RB1: variants seen among roughly 807,000 people sequenced by gnomAD.
RB1 encodes the protein RB transcriptional corepressor 1.
A neutral mutation model predicts 135.4 loss-of-function variants in RB1; 18 were observed. The observed-to-expected ratio is 0.13, with a 90% CI of 0.09 to 0.20. The LOEUF (loss-of-function observed/expected upper bound fraction) is 0.20, where lower values mean the gene tolerates loss of function less well. RB1 is among the 10% of genes least tolerant of loss of function. RB1 has a pLI of 1.00. For synonymous variants in RB1, 365 were observed against 373.2 expected (o/e 0.98, Z 0.25); for missense variants, 868 against 1,110.0 (o/e 0.78, Z 3.10).
intron 2 of RB1, among the ~76,000 whole-genome samples, chr13:48,325,985 C>G (rs1952284165): frequency 6.6e-6 from 1 of 152,134 alleles, no homozygotes; most frequent in Non-Finnish European, 1.5e-5. Flanking sequence ...ATCGTGACCA[C>G]TCTGCTTAAT....
At chr13:48,464,283 G>C (rs1412340698) in intron 21 of RB1, among the ~76,000 whole-genome samples, 1 of 152,082 alleles carries the variant, frequency 6.6e-6, no homozygotes, top group Non-Finnish European at 1.5e-5. Flanking sequence ...AAATATACTT[G>C]GTATGACACA....
chr13:48,373,359 T>C lies in RB1; in HGVS notation c.1128-46T>C, dbSNP rs561589946. 2.6e-6 allele frequency: 3 copies of C among 1,170,996 alleles called. No homozygotes were observed. In the South Asian group the frequency reaches 3.8e-5, roughly 15 times the overall value. 72.5% of individuals were successfully genotyped at this position (1,170,996 alleles called of 1,614,324 possible). A position where few individuals can be genotyped will look rare whatever the true frequency, so the allele number is the denominator to read the frequency against. ...GAAAACATTTCATTTTTTCTTTTTT[T>C]CTCCCTTCATTGCTTAACACATTTT... On this transcript the variant is annotated intron_variant, in intron 11 of 26. Coordinates refer to ENST00000267163, the MANE Select transcript of RB1 (RefSeq NM_000321.3).
intron 17 of RB1, chr13:48,412,679 GC>G (rs1461266668): frequency 1.9e-6 from 1 of 523,790 alleles, no homozygotes; most frequent in Admixed American, 3.3e-5. Flanking sequence ...GAATTCCAAG[GC>G]TCAGTTAACT....
intron 17 of RB1, among the ~76,000 whole-genome samples, chr13:48,396,695 T>G (rs1342525204): frequency 6.6e-6 from 1 of 152,128 alleles, no homozygotes; most frequent in Non-Finnish European, 1.5e-5. Flanking sequence ...GAAACTATCT[T>G]CAGAGTGAAC....
In RB1 at chr13:48,319,385, A is replaced by G. The variant is rs1952214800; in HGVS notation, c.264+11979A>G. The G allele has an allele frequency of 9.3e-6, 4 of 429,108 alleles. No homozygotes were observed. Among genetic ancestry groups the G allele is most frequent in the Admixed American group, 3.2e-5 (1 of 31,300 alleles). 26.6% of individuals were successfully genotyped at this position (429,108 alleles called of 1,614,324 possible). A position where few individuals can be genotyped will look rare whatever the true frequency, so the allele number is the denominator to read the frequency against. Reference sequence around the variant, plus strand: ...GCTAGTACACCTGGATGGCCTCCTCAGTGCCGTCGTTGCTGCTGGAGTCTG... The same window carrying G: ...GCTAGTACACCTGGATGGCCTCCTCGGTGCCGTCGTTGCTGCTGGAGTCTG... On this transcript the variant is annotated intron_variant, in intron 2 of 26. Coordinates refer to ENST00000267163, the MANE Select transcript of RB1 (RefSeq NM_000321.3). The surrounding 1 kb of genome is among the most constrained non-coding windows in gnomAD (Gnocchi z 5.0).
At chr13:48,358,305 C>T (rs956199180) in intron 6 of RB1, among the ~76,000 whole-genome samples, 1 of 151,962 alleles carries the variant, frequency 6.6e-6, no homozygotes, top group African/African-American at 2.4e-5. Flanking sequence ...TGCTTTTCCC[C>T]CTCGTATTGC....
At chr13:48,394,890 G>T (rs1948636109) in intron 17 of RB1, among the ~76,000 whole-genome samples, 1 of 152,244 alleles carries the variant, frequency 6.6e-6, no homozygotes, top group Non-Finnish European at 1.5e-5. Context: ...CAGTGCTCAA[G>T]CTCTGCTAAG....
At position 48,477,497 on chromosome 13, in the gene RB1, C is replaced by T. The variant is rs1306813186; in HGVS notation, c.2713+93C>T. ...TATATAAAAGAATGTATAATTTCTT[C>T]AGTTGGCAGGTTTGTTTATGCATTT... On this transcript the variant is annotated intron_variant, in intron 26 of 26. Coordinates refer to ENST00000267163, the MANE Select transcript of RB1 (RefSeq NM_000321.3). 5.7e-6 allele frequency: 6 copies of T among 1,053,936 alleles called. No individual in the cohort carries two copies. The East Asian group carries it at 1.3e-4, about 22-fold the overall frequency. The allele number at this position is 1,053,936 out of a possible 1,614,324, so 65.3% of individuals were successfully genotyped here.
At chr13:48,466,053 A>C (rs1186322298) in intron 23 of RB1, among the ~76,000 whole-genome samples, 1 of 151,086 alleles carries the variant, frequency 6.6e-6, no homozygotes, top group Non-Finnish European at 1.5e-5. Flanking sequence ...GGTGGAGCCC[A>C]CCACAGGTCA....
In RB1 at chr13:48,364,902, T is replaced by G; in HGVS notation, c.870T>G (p.Asn290Lys). The change falls in exon 9 of 27, where the codon AAT (asparagine) becomes AAG (lysine). Residue 290 changes from asparagine (N) to lysine (K), a missense_variant. Asn to Lys is a moderately conservative substitution (Grantham distance 94, BLOSUM62 0). This residue lies in a region of RB1 where 641 missense variants were observed against 791.3 expected (regional missense o/e 0.81). Coordinates refer to ENST00000267163, the MANE Select transcript of RB1 (RefSeq NM_000321.3). ...EHECNIDEVK[N>K]VYFKNFIPFM... Reference sequence around the variant, plus strand: ...AACTTCATCTTTTTCAGGTGAAAAATGTTTATTTCAAAAATTTTATACCTT... The same window carrying G: ...AACTTCATCTTTTTCAGGTGAAAAAGGTTTATTTCAAAAATTTTATACCTT... 1 of 1,555,708 alleles carries G rather than the reference T, an allele frequency of 6.4e-7. No individual in the cohort carries two copies. The highest frequency in any genetic ancestry group is 1.2e-5 in the South Asian group (1 of 84,728).
At chr13:48,396,708 G>A (rs1948651428) in intron 17 of RB1, among the ~76,000 whole-genome samples, 1 of 152,144 alleles carries the variant, frequency 6.6e-6, no homozygotes, top group Non-Finnish European at 1.5e-5. Flanking sequence ...GAGTGAACAG[G>A]CAACCTACAG....
chr13:48,399,244 GT>G (rs1948671893), intron 17 of RB1, among the ~76,000 whole-genome samples: 1 of 151,926 alleles, frequency 6.6e-6, no homozygotes, highest in Non-Finnish European at 1.5e-5. Flanking sequence ...CTCTTTCTCT[GT>G]TTTTAGTAAA....
chr13:48,407,030 G>A (rs1234763629), intron 17 of RB1, among the ~76,000 whole-genome samples: 2 of 152,166 alleles, frequency 1.3e-5, no homozygotes, highest in South Asian at 2.1e-4. Context: ...TGACCATCAG[G>A]CCCTTTCTGT....
chr13:48,368,381 G>T (rs1231329594), intron 10 of RB1, 146 bp from the exon 11 acceptor site: 1 of 982,520 alleles, frequency 1.0e-6, no homozygotes. Flanking sequence ...CAGCAGCTGG[G>T]TCATCTATTT....
chr13:48,370,806 C>T (rs1406677911), intron 11 of RB1, among the ~76,000 whole-genome samples: 1 of 152,130 alleles, frequency 6.6e-6, no homozygotes, highest in Non-Finnish European at 1.5e-5. Flanking sequence ...CTTCAGCTTC[C>T]CTCCCCTTCC....
At chr13:48,393,375 C>T (rs927304466) in intron 17 of RB1, among the ~76,000 whole-genome samples, 1 of 152,198 alleles carries the variant, frequency 6.6e-6, no homozygotes, top group Non-Finnish European at 1.5e-5. Flanking sequence ...AGTTTCTCAT[C>T]TCTGGACTGT....
In RB1 at chr13:48,307,807, G is replaced by A. The variant is rs866844847; in HGVS notation, c.264+401G>A. Among the ~76,000 whole-genome samples the A allele has an allele frequency of 4.0e-5, 6 of 150,786 alleles. No individual in the cohort carries two copies. In the South Asian group the frequency reaches 1.3e-3, roughly 31 times the overall value. ...GAACCCAGGAGGTGGAGGTTACAGT[G>A]AGCCGAGATCGTGCCACTGCACTCC... On this transcript the variant is annotated intron_variant, in intron 2 of 26. Transcript: ENST00000267163.
chr13:48,367,357 A>T (rs1289826658), intron 9 of RB1, 137 bp from the exon 10 acceptor site: 1 of 884,954 alleles, frequency 1.1e-6, no homozygotes, highest in African/African-American at 1.7e-5. Flanking sequence ...CCTTATTTAT[A>T]TTGCATGCGA....
rs1593455667 is a variant in RB1, at chr13:48,379,637, C to T, written c.1376C>T (p.Ser459Phe). The change falls in exon 14 of 27, where the codon TCC becomes TTC. Residue 459 changes from serine (S) to phenylalanine (F), a missense_variant. Coordinates refer to ENST00000267163, the MANE Select transcript of RB1 (RefSeq NM_000321.3). ...CGCTTGTATTACCGAGTAATGGAAT[C>T]CATGCTTAAATCAGTAAGTTAAAAA... ...GVRLYYRVMESMLKSEEERLS... is the reference protein window; with the variant it reads ...GVRLYYRVMEFMLKSEEERLS... 6.2e-7 allele frequency: 1 copy of T among 1,611,942 alleles called. No homozygotes were observed.
Sources: allele counts gnomAD v4.1 joint callset (sites outside exome capture counted in the v4.1 genomes callset), GRCh38; gene constraint gnomAD v4.1.1; regional missense constraint gnomAD v4.1.1; non-coding constraint Gnocchi (gnomAD v3.1); transcripts MANE v1.5; gene names NCBI Gene and HGNC (gene_info 2026-07-23, HGNC 2026-07-21).